The following SHANK2 variants were observed in gnomAD, a reference collection of about 807,000 sequenced individuals.
The protein encoded by SHANK2 is SH3 and multiple ankyrin repeat domains protein 2.
Under a neutral mutation model 133.7 loss-of-function variants are expected in SHANK2, and 43 were observed. The observed-to-expected ratio is 0.32, with a 90% CI of 0.25 to 0.41. The LOEUF (loss-of-function observed/expected upper bound fraction) is 0.41, where lower values mean the gene tolerates loss of function less well. SHANK2 is among the 10% of genes least tolerant of loss of function. The pLI, the probability that SHANK2 is intolerant of heterozygous loss-of-function variation, is 1.00. For synonymous variants in SHANK2, 1,017 were observed against 952.8 expected (o/e 1.07, Z -1.24); for missense variants, 1,994 against 2,235.8 (o/e 0.89, Z 2.18).
chr11:70,798,821 C>T (rs183380422), intron 13 of SHANK2, among the ~76,000 whole-genome samples: 3 of 152,318 alleles, frequency 2.0e-5, no homozygotes, highest in East Asian at 1.9e-4. Context: ...TGCATCTTTA[C>T]GTATCTGACA....
intron 10 of SHANK2, among the ~76,000 whole-genome samples, chr11:70,897,961 CT>C (rs59607229): frequency 2.0e-3 from 295 of 146,390 alleles, no homozygotes; most frequent in South Asian, 0.012. Flanking sequence ...CACACACACA[CT>C]TTTTTTTTTC....
chr11:70,840,224 G>A (rs1948882001), intron 11 of SHANK2, among the ~76,000 whole-genome samples: 2 of 152,186 alleles, frequency 1.3e-5, no homozygotes, highest in African/African-American at 2.4e-5. Flanking sequence ...GAGGTGTCCC[G>A]ACTCCTGGAC....
chr11:70,736,279 G>A (rs997418030), intron 14 of SHANK2, among the ~76,000 whole-genome samples: 1 of 152,184 alleles, frequency 6.6e-6, no homozygotes, highest in Admixed American at 6.5e-5. Context: ...TTGTGAGGAT[G>A]TAACTGTGTG....
At position 70,485,038 on chromosome 11, in the gene SHANK2, A is replaced by C. The variant is rs1555152571; in HGVS notation, c.4979+276T>G. ...AAGAGAGAGTAGAGCTTCTCTTTGG[A>C]AGCCAAGGTGAGGAGGGCTTCCAGC... is the stretch of plus-strand genomic sequence containing the variant. On this transcript the variant is annotated intron_variant, in intron 25 of 25. Transcript: ENST00000601538. The surrounding 1 kb of genome is among the most constrained non-coding windows in gnomAD (Gnocchi z 5.8). Among the ~76,000 whole-genome samples, 2 of 152,110 alleles carry C rather than the reference A, an allele frequency of 1.3e-5. No individual in the cohort carries two copies. The highest frequency in any genetic ancestry group is 2.9e-5 in the Non-Finnish European group (2 of 68,018).
chr11:71,079,313 T>TCC (rs1951260741), intron 8 of SHANK2, among the ~76,000 whole-genome samples: 1 of 152,138 alleles, frequency 6.6e-6, no homozygotes, highest in Admixed American at 6.5e-5. Context: ...TCCAGGCAGG[T>TCC]CCCAGGCTGG....
At chr11:71,073,089 C>T (rs973721985) in intron 9 of SHANK2, among the ~76,000 whole-genome samples, 274 of 150,028 alleles carry the variant, frequency 1.8e-3, no homozygotes, top group Non-Finnish European at 3.6e-3. Flanking sequence ...CACATTGGGG[C>T]GTATCTGTCC....
At chr11:70,505,632 A>G (rs2059124795) in intron 17 of SHANK2, among the ~76,000 whole-genome samples, 1 of 152,098 alleles carries the variant, frequency 6.6e-6, no homozygotes, top group South Asian at 2.1e-4. Flanking sequence ...GAAAGTGCAT[A>G]TTACTGCCTG....
chr11:70,789,881 T>A (rs781941146), intron 14 of SHANK2, among the ~76,000 whole-genome samples: 4 of 152,208 alleles, frequency 2.6e-5, no homozygotes, highest in Non-Finnish European at 4.4e-5. Flanking sequence ...TGGTGCTCAC[T>A]GATAGTCAAG....
chr11:70,743,058 T>C (rs1416719944), intron 14 of SHANK2, among the ~76,000 whole-genome samples: 3 of 151,804 alleles, frequency 2.0e-5, no homozygotes, highest in East Asian at 1.9e-4. Context: ...GATCAGAACC[T>C]GGGAGATGGG....
chr11:71,187,940 C>T (rs1306074058), intron 2 of SHANK2, among the ~76,000 whole-genome samples: 1 of 152,146 alleles, frequency 6.6e-6, no homozygotes, highest in Non-Finnish European at 1.5e-5. Flanking sequence ...CTGCACTGTC[C>T]TTGGAAATGC....
chr11:70,569,574 G>T lies in SHANK2; in HGVS notation c.2062-66643C>A, dbSNP rs549798279. ...GTGCCGCAGCCCTCTCCTTTCTGTGGCCCCTCCCCACGTGGAGGATACCGA... is the reference window on the plus strand; with the variant it reads ...GTGCCGCAGCCCTCTCCTTTCTGTGTCCCCTCCCCACGTGGAGGATACCGA... On this transcript the variant is annotated intron_variant, in intron 17 of 25. Coordinates refer to ENST00000601538, the MANE Select transcript of SHANK2 (RefSeq NM_012309.5). The surrounding 1 kb of genome is among the most constrained non-coding windows in gnomAD (Gnocchi z 5.1). 6.6e-6 allele frequency among the ~76,000 whole-genome samples: 1 copy of T among 152,244 alleles called. No individual in the cohort carries two copies. Among genetic ancestry groups the T allele is most frequent in the Non-Finnish European group, 1.5e-5 (1 of 68,010 alleles).
intron 17 of SHANK2, among the ~76,000 whole-genome samples, chr11:70,589,223 G>A (rs1336310258): frequency 6.6e-6 from 1 of 152,220 alleles, no homozygotes; most frequent in Non-Finnish European, 1.5e-5. Context: ...ACTCCCTTGT[G>A]AGGGGCTAGT....
chr11:70,577,919 C>A (rs1280519348), intron 17 of SHANK2, among the ~76,000 whole-genome samples: 2 of 152,208 alleles, frequency 1.3e-5, no homozygotes, highest in Admixed American at 1.3e-4. Flanking sequence ...GACACTGACA[C>A]ACTGGTGGGG....
chr11:70,486,936 G>A lies in SHANK2; in HGVS notation c.3357C>T (p.Pro1119=). ...DEDVGLGPPA[P]RTRPSMFPEE... ...CGGGGAACATGGAGGGCCGCGTCCT[G>A]GGGGCGGGTGGCCCCAGGCCCACAT... The change falls in exon 25 of 26, where the codon CCC becomes CCT. Residue 1119 remains proline (P), a synonymous_variant. Transcript: ENST00000601538. This position sits in a 1 kb window ranked among gnomAD's most constrained non-coding sequence, Gnocchi z 8.0. 1 of 1,612,304 alleles carries A rather than the reference G, an allele frequency of 6.2e-7. No homozygotes were observed.
intron 1 of SHANK2, among the ~76,000 whole-genome samples, chr11:71,244,407 G>A (rs993543742): frequency 1.6e-4 from 25 of 152,196 alleles, no homozygotes; most frequent in Admixed American, 8.5e-4. Flanking sequence ...GCTTTCAAAC[G>A]GGACCCATGC....
At chr11:70,679,486 C>T (rs1012380943) in intron 15 of SHANK2, among the ~76,000 whole-genome samples, 13 of 152,250 alleles carry the variant, frequency 8.5e-5, no homozygotes, top group Non-Finnish European at 1.0e-4. Flanking sequence ...CTGCCTGGGG[C>T]AGTCCCTCTG....
chr11:70,554,713 C>T lies in SHANK2; in HGVS notation c.2062-51782G>A, dbSNP rs1031197435. Among the ~76,000 whole-genome samples the T allele has an allele frequency of 3.5e-4, 53 of 152,100 alleles. 1 individual carries two copies. Among genetic ancestry groups the T allele is most frequent in the Admixed American group, 2.8e-3 (42 of 15,266 alleles). On this transcript the variant is annotated intron_variant, in intron 17 of 25. Transcript: ENST00000601538. ...ATTCGTTGGTTGTAACTATCTATAA[C>T]GCCCCGTTCCCCCACTCCAGTGCCA...
At chr11:70,924,706 C>T (rs1405740970) in intron 10 of SHANK2, among the ~76,000 whole-genome samples, 25 of 152,180 alleles carry the variant, frequency 1.6e-4, no homozygotes, top group Non-Finnish European at 3.2e-4. Flanking sequence ...ATCTGCCCGC[C>T]TTGACCCCCC....
intron 6 of SHANK2, among the ~76,000 whole-genome samples, chr11:71,106,594 T>C (rs1951804498): frequency 6.6e-6 from 1 of 152,258 alleles, no homozygotes; most frequent in African/African-American, 2.4e-5. Flanking sequence ...CCTTTAATTA[T>C]GCTGCTTCAC....
Sources: allele counts gnomAD v4.1 joint callset (sites outside exome capture counted in the v4.1 genomes callset), GRCh38; gene constraint gnomAD v4.1.1; non-coding constraint Gnocchi (gnomAD v3.1); transcripts MANE v1.5; gene names NCBI Gene and HGNC (gene_info 2026-07-23, HGNC 2026-07-21).